The following UNC5D variants were observed in gnomAD, a reference collection of about 807,000 sequenced individuals.
UNC5D encodes the protein unc-5 netrin receptor D, also known as netrin receptor UNC5D.
Under a neutral mutation model 105.4 loss-of-function variants are expected in UNC5D, and 39 were observed. The observed-to-expected ratio is 0.37, with a 90% confidence interval of 0.29 to 0.48. The LOEUF is 0.48. Ranked by LOEUF, UNC5D falls within the 20% of genes least tolerant of loss-of-function variation. The pLI is 0.98. For missense variants in UNC5D, 991 were observed against 1,202.4 expected, an observed-to-expected ratio of 0.82 and a Z score of 2.60; for synonymous variants, 452 against 450.4, an observed-to-expected ratio of 1.00 and a Z score of -0.04.
chr8:35,616,765 A>G (rs1438067866), intron 4 of UNC5D, among the ~76,000 whole-genome samples: 1 of 152,214 alleles, frequency 6.6e-6, no homozygotes, highest in African/African-American at 2.4e-5. Flanking sequence ...GGTTTCTCTG[A>G]TTGACAGAAG....
intron 11 of UNC5D, among the ~76,000 whole-genome samples, chr8:35,735,337 C>T (rs760354507): frequency 6.7e-6 from 1 of 149,824 alleles, no homozygotes; most frequent in Non-Finnish European, 1.5e-5. Flanking sequence ...CAAAGACAAA[C>T]ATTCATTTCT....
At chr8:35,371,406 A>T (rs769163997) in intron 1 of UNC5D, among the ~76,000 whole-genome samples, 4 of 152,136 alleles carry the variant, frequency 2.6e-5, no homozygotes, top group Non-Finnish European at 5.9e-5. Flanking sequence ...CTTGCCTTTG[A>T]TGATATTCTG....
intron 3 of UNC5D, among the ~76,000 whole-genome samples, chr8:35,572,572 C>T (rs1817813008): frequency 1.3e-5 from 2 of 152,182 alleles, no homozygotes; most frequent in Non-Finnish European, 2.9e-5. Context: ...TATTCAGAGT[C>T]CTAGCTTTCA....
At chr8:35,614,133 G>A (rs1432189230) in intron 4 of UNC5D, among the ~76,000 whole-genome samples, 1 of 152,130 alleles carries the variant, frequency 6.6e-6, no homozygotes, top group Non-Finnish European at 1.5e-5. Flanking sequence ...GCCCAGACTG[G>A]TGCCAGACAG....
intron 1 of UNC5D, among the ~76,000 whole-genome samples, chr8:35,411,150 G>A (rs1365306670): frequency 6.6e-6 from 1 of 151,984 alleles, no homozygotes. Context: ...GTTAGTACAG[G>A]ACAGTGCTAT....
intron 1 of UNC5D, among the ~76,000 whole-genome samples, chr8:35,273,042 G>A (rs1805526793): frequency 6.6e-6 from 1 of 152,190 alleles, no homozygotes; most frequent in Non-Finnish European, 1.5e-5. Flanking sequence ...TGGGTGAGGA[G>A]GGCTCATGAA....
In UNC5D at chr8:35,722,331, C is replaced by T. The variant is rs760990851; in HGVS notation, c.1239C>T (p.Asp413=). ...YRRSQSDYGV[D]VIDSSALTGG... ...GGAGCCAGAGTGACTATGGCGTGGA[C>T]GTCATTGACTCTTCTGCATTGACAG... is the stretch of plus-strand genomic sequence containing the variant. The change falls in exon 9 of 17, where the codon GAC becomes GAT. Residue 413 remains aspartate (D), a synonymous_variant. Coordinates refer to ENST00000404895, the MANE Select transcript of UNC5D (RefSeq NM_080872.4). 2.6e-5 allele frequency: 42 copies of T among 1,614,002 alleles called. No individual in the cohort carries two copies. Among genetic ancestry groups the T allele is most frequent in the Admixed American group, 8.3e-5 (5 of 60,006 alleles).
chr8:35,665,640 A>ATT (rs376152620), intron 4 of UNC5D, among the ~76,000 whole-genome samples: 21,520 of 123,800 alleles, frequency 0.17, 3,972 homozygotes, highest in African/African-American at 0.47. Flanking sequence ...AGAAGGTGCC[A>ATT]TTTTTTTTTT....
At chr8:35,516,084 T>A (rs549521320) in intron 1 of UNC5D, among the ~76,000 whole-genome samples, 4 of 152,186 alleles carry the variant, frequency 2.6e-5, no homozygotes, top group Non-Finnish European at 4.4e-5. Context: ...TCCTACTTAT[T>A]TATCACACTT....
chr8:35,390,777 T>C (rs1310384357), intron 1 of UNC5D, among the ~76,000 whole-genome samples: 1 of 152,248 alleles, frequency 6.6e-6, no homozygotes, highest in African/African-American at 2.4e-5. Flanking sequence ...GAAAACCCAG[T>C]TCCAACTGAC....
chr8:35,688,139 A>C (rs572863564), intron 7 of UNC5D, among the ~76,000 whole-genome samples: 46 of 145,292 alleles, frequency 3.2e-4, no homozygotes, highest in African/African-American at 1.3e-3. Flanking sequence ...CTCAAAAACA[A>C]AAAAAAACAA....
At position 35,769,248 on chromosome 8, in the gene UNC5D, T is replaced by TAG. The variant is rs142858541; in HGVS notation, c.2478+2185_2478+2186dup. Among the ~76,000 whole-genome samples, 226 of 152,042 alleles carry TAG rather than the reference T, an allele frequency of 1.5e-3. 1 individual carries two copies. The highest frequency in any genetic ancestry group is 3.4e-3 in the Middle Eastern group (1 of 294). ...AAAGATCATGGAACTCATAAGGGAG[T>TAG]AGAGCCACAGTACCCAACTCAGAGA... On this transcript the variant is annotated intron_variant, in intron 15 of 16. Transcript: ENST00000404895.
At chr8:35,568,273 G>T in intron 3 of UNC5D, 32 bp downstream of exon 3, 1 of 1,608,664 alleles carries the variant, frequency 6.2e-7, no homozygotes, top group African/African-American at 1.3e-5. Flanking sequence ...TTGTCTTGTA[G>T]GACCACAAAT....
chr8:35,487,785 G>A (rs1037980665), intron 1 of UNC5D, among the ~76,000 whole-genome samples: 1 of 152,198 alleles, frequency 6.6e-6, no homozygotes, highest in Admixed American at 6.6e-5. Context: ...ACTGTTGCTA[G>A]AAACGTGGAC....
intron 4 of UNC5D, among the ~76,000 whole-genome samples, chr8:35,600,373 G>T (rs1819783552): frequency 6.6e-6 from 1 of 152,194 alleles, no homozygotes; most frequent in South Asian, 2.1e-4. Flanking sequence ...CTGAGGAATT[G>T]CTGCACTGAC....
chr8:35,787,822 GT>G (rs757557956), intron 16 of UNC5D, among the ~76,000 whole-genome samples: 23 of 152,042 alleles, frequency 1.5e-4, no homozygotes, highest in Non-Finnish European at 2.6e-4. Flanking sequence ...GTCTTGCTAT[GT>G]TTTCCAGGCT....
chr8:35,613,188 C>T (rs1216793571), intron 4 of UNC5D, among the ~76,000 whole-genome samples: 1 of 152,216 alleles, frequency 6.6e-6, no homozygotes, highest in East Asian at 1.9e-4. Context: ...AGCAGTTTTC[C>T]TGCTTCAGCC....
intron 1 of UNC5D, among the ~76,000 whole-genome samples, chr8:35,251,035 AT>A (rs1803662033): frequency 6.6e-6 from 1 of 152,168 alleles, no homozygotes; most frequent in African/African-American, 2.4e-5. Context: ...TCAAGAAGTT[AT>A]TTGAAGATTC....
chr8:35,301,622 T>A (rs987951863), intron 1 of UNC5D, among the ~76,000 whole-genome samples: 1 of 152,206 alleles, frequency 6.6e-6, no homozygotes, highest in African/African-American at 2.4e-5. Context: ...CTGCCTCTGA[T>A]TGGCTGAAAT....
Sources: allele counts gnomAD v4.1 joint callset (sites outside exome capture counted in the v4.1 genomes callset), GRCh38; gene constraint gnomAD v4.1.1; transcripts MANE v1.5; gene names NCBI Gene and HGNC (gene_info 2026-07-23, HGNC 2026-07-21).